Variants in FBXL2 observed in about 807,000 individuals in gnomAD.
The protein encoded by FBXL2 is F-box/LRR-repeat protein 2.
In FBXL2, 38 loss-of-function variants were observed where a neutral mutation model predicts 69.2. The observed-to-expected ratio is 0.55, with a 90% CI of 0.42 to 0.72. The LOEUF (loss-of-function observed/expected upper bound fraction) is 0.72. FBXL2 is among the 30% of genes least tolerant of loss of function. The probability of loss-of-function intolerance (pLI) is 0.00; values close to 1 mark genes in which losing one functional copy is unlikely to be tolerated. For missense variants in FBXL2, 354 were observed against 520.3 expected, an observed-to-expected ratio of 0.68 and a Z score of 3.11; for synonymous variants, 192 against 201.3, an observed-to-expected ratio of 0.95 and a Z score of 0.39.
chr3:33,358,993 C>G lies in FBXL2; in HGVS notation c.92C>G (p.Thr31Ser). ...ATATTTTCCTTCTTGGATATAGTAA[C>G]TTTGTGCCGATGTGCACAGATTTCC... ...LRIFSFLDIV[T>S]LCRCAQISKA... The change falls in exon 3 of 15, where the codon ACT becomes AGT. Residue 31 changes from threonine to serine, a missense_variant. By Grantham distance (58) the Thr-to-Ser change is moderately conservative. Coordinates refer to ENST00000484457, the MANE Select transcript of FBXL2 (RefSeq NM_012157.5). 1 of 1,554,796 alleles carries G rather than the reference C, an allele frequency of 6.4e-7. No individual in the cohort carries two copies. The highest frequency in any genetic ancestry group is 8.7e-7 in the Non-Finnish European group (1 of 1,146,126).
intron 1 of FBXL2, among the ~76,000 whole-genome samples, chr3:33,280,872 AAAT>A (rs2033920484): frequency 1.3e-5 from 2 of 151,654 alleles, no homozygotes; most frequent in Non-Finnish European, 2.9e-5. Context: ...TTTTGGAAAT[AAAT>A]AATATTTTAT....
At chr3:33,412,480 G>T in the FBXL2 span, among the ~76,000 whole-genome samples, 20 of 151,938 alleles carry the variant, frequency 1.3e-4, no homozygotes, top group African/African-American at 4.8e-4. Context: ...CTACTTGGGA[G>T]GCTAAGGCAG....
At chr3:33,327,357 A>T (rs1439471910) in intron 2 of FBXL2, among the ~76,000 whole-genome samples, 1 of 152,064 alleles carries the variant, frequency 6.6e-6, no homozygotes, top group African/African-American at 2.4e-5. Context: ...GACTTCAAAT[A>T]TCTTGTTCTT....
intron 12 of FBXL2, among the ~76,000 whole-genome samples, chr3:33,400,538 T>C (rs962758742): frequency 1.3e-5 from 2 of 152,148 alleles, no homozygotes; most frequent in East Asian, 3.8e-4. Context: ...ATGGACAACA[T>C]GAACATTTCA....
At chr3:33,413,019 A>AATAAT in the FBXL2 span, among the ~76,000 whole-genome samples, 1 of 152,236 alleles carries the variant, frequency 6.6e-6, no homozygotes, top group East Asian at 1.9e-4. Context: ...GCAAAGAATT[A>AATAAT]TAACTCAAAA....
chr3:33,397,360 G>A (rs547604092), intron 12 of FBXL2: 15 of 369,866 alleles, frequency 4.1e-5, no homozygotes, highest in East Asian at 3.1e-4. Context: ...TAGAAGTCCT[G>A]AGGCTGATGA....
At chr3:33,392,572 T>A, downstream of FBXL2, 1 of 1,611,898 alleles carries the variant, frequency 6.2e-7, no homozygotes. Flanking sequence ...CCTTTTACTG[T>A]GGAGAATAAA....
downstream of FBXL2, chr3:33,392,587 A>T (rs202080913): frequency 7.3e-5 from 117 of 1,612,250 alleles, no homozygotes. Context: ...AATAAAAAAC[A>T]ACTCTCATCT....
At chr3:33,354,134 C>A (rs1378073350) in intron 2 of FBXL2, among the ~76,000 whole-genome samples, 2 of 151,982 alleles carry the variant, frequency 1.3e-5, no homozygotes, top group Non-Finnish European at 2.9e-5. Context: ...CACACTAATA[C>A]AACATGTTAA....
chr3:33,277,297 G>T (rs770348579), upstream of FBXL2: 2 of 398,768 alleles, frequency 5.0e-6, no homozygotes, highest in Non-Finnish European at 8.8e-6. Flanking sequence ...GATACGAAGT[G>T]GGAGAGGCGA....
Position 33,385,116 on chromosome 3 carries a change from AAG to A in FBXL2, c.1165-380_1165-379del, listed in dbSNP as rs543983906. Among the ~76,000 whole-genome samples, 9 of 152,308 alleles carry A rather than the reference AAG, an allele frequency of 5.9e-5. No individual in the cohort carries two copies. In the South Asian group the frequency reaches 1.9e-3, roughly 32 times the overall value. On this transcript the variant is annotated intron_variant, in intron 14 of 14. Transcript: ENST00000484457. ...GAACTCTCTTGGCTAATTTCCAGGT[AAG>A]AGAGCTTAACAGAATTTGGCTTTTT...
At chr3:33,409,769 T>C in the FBXL2 span, among the ~76,000 whole-genome samples, 109 of 152,372 alleles carry the variant, frequency 7.2e-4, no homozygotes, top group South Asian at 1.4e-3. Context: ...TTTTAAGATA[T>C]GGCTTCCCTC....
chr3:33,324,937 A>G (rs1308290015), intron 2 of FBXL2, among the ~76,000 whole-genome samples: 2 of 152,182 alleles, frequency 1.3e-5, no homozygotes, highest in East Asian at 1.9e-4. Flanking sequence ...ATCCATGAGC[A>G]TGGAATGTTT....
At chr3:33,394,758 G>T (rs1352150704) in intron 12 of FBXL2, among the ~76,000 whole-genome samples, 1 of 149,632 alleles carries the variant, frequency 6.7e-6, no homozygotes, top group East Asian at 2.0e-4. Context: ...ATATAGAAAT[G>T]ATCTAGAGCA....
intron 2 of FBXL2, among the ~76,000 whole-genome samples, chr3:33,315,605 T>G (rs1476098081): frequency 6.6e-6 from 1 of 152,130 alleles, no homozygotes; most frequent in Non-Finnish European, 1.5e-5. Flanking sequence ...CACTTTGGTG[T>G]TCTTCTGTGG....
At chr3:33,292,203 A>C in intron 1 of FBXL2, among the ~76,000 whole-genome samples, 1 of 152,152 alleles carries the variant, frequency 6.6e-6, no homozygotes, top group Non-Finnish European at 1.5e-5. Context: ...AACATGGTGA[A>C]ACCCCATCTC....
intron 2 of FBXL2, among the ~76,000 whole-genome samples, chr3:33,354,538 TAAAC>T (rs2041063241): frequency 1.3e-5 from 2 of 150,556 alleles, no homozygotes; most frequent in African/African-American, 4.9e-5. Flanking sequence ...AAAGGGGAGA[TAAAC>T]AAATGTGAAA....
At chr3:33,284,292 T>C (rs967910248) in intron 1 of FBXL2, among the ~76,000 whole-genome samples, 17 of 152,370 alleles carry the variant, frequency 1.1e-4, no homozygotes, top group African/African-American at 3.8e-4. Flanking sequence ...TATTTCTGCC[T>C]TCATTTCGTT....
downstream of FBXL2, chr3:33,388,668 G>A (rs1002900141): frequency 2.0e-4 from 30 of 152,076 alleles, no homozygotes; most frequent in African/African-American, 6.5e-4. Context: ...CCCAGTGACT[G>A]GTACAGAAAA....
Sources: gnomAD v4.1 joint callset for allele counts (sites outside exome capture counted in the v4.1 genomes callset) on GRCh38, gnomAD v4.1.1 for gene constraint, MANE v1.5 for transcripts, NCBI Gene and HGNC (gene_info 2026-07-23, HGNC 2026-07-21) for gene names.